MDGA2: variants seen among roughly 807,000 people sequenced by gnomAD.
MDGA2 encodes the protein MAM domain-containing glycosylphosphatidylinositol anchor protein 2.
Under a neutral mutation model 117.8 loss-of-function variants are expected in MDGA2, and 40 were observed. The observed-to-expected ratio is 0.34, with a 90% CI of 0.26 to 0.44. MDGA2 has a LOEUF of 0.44. Among genes scored for constraint, MDGA2 ranks in the 20% least tolerant of loss-of-function variants. MDGA2 has a pLI of 1.00. For synonymous variants in MDGA2, 452 were observed against 439.0 expected, an observed-to-expected ratio of 1.03 and a Z score of -0.37; for missense variants, 1,123 against 1,250.6, an observed-to-expected ratio of 0.90 and a Z score of 1.54.
intron 1 of MDGA2, among the ~76,000 whole-genome samples, chr14:47,327,762 T>C (rs934267518): frequency 6.6e-6 from 1 of 152,194 alleles, no homozygotes; most frequent in South Asian, 2.1e-4. Flanking sequence ...CTGGGCTCTT[T>C]GTTGTGTGTT....
At chr14:47,175,232 T>A (rs1884382067) in intron 3 of MDGA2, among the ~76,000 whole-genome samples, 1 of 151,696 alleles carries the variant, frequency 6.6e-6, no homozygotes, top group Non-Finnish European at 1.5e-5. Flanking sequence ...AAGGAGGAAC[T>A]GGTACCATTC....
chr14:47,358,853 C>T (rs989957172), intron 1 of MDGA2, among the ~76,000 whole-genome samples: 3 of 152,090 alleles, frequency 2.0e-5, no homozygotes, highest in East Asian at 1.9e-4. Context: ...CCCATGGATT[C>T]GGAAAACTAA....
Position 46,841,181 on chromosome 14 carries a change from TGG to T in MDGA2, c.*748_*749del, listed in dbSNP as rs1450814719. 6.6e-6 allele frequency: 1 copy of T among 152,542 alleles called. No individual in the cohort carries two copies. Among genetic ancestry groups the T allele is most frequent in the Non-Finnish European group, 1.5e-5 (1 of 68,024 alleles). The allele number at this position is 152,542 out of a possible 1,614,324, so 9.4% of individuals were successfully genotyped here. A position where few individuals can be genotyped will look rare whatever the true frequency, so the allele number is the denominator to read the frequency against. On this transcript the variant is annotated 3_prime_UTR_variant, in exon 17 of 17. Coordinates refer to ENST00000399232, the MANE Select transcript of MDGA2 (RefSeq NM_001113498.3). ...CTTCATTGGAACAGATGACGTAGTT[TGG>T]GTGTTCAAGTGGCCGCAAGCAAACT...
In MDGA2 at chr14:47,656,132, C is replaced by A. The variant is rs148256365; in HGVS notation, c.280+18385G>T. ...AAGAGACCATGGTGCCAAAAATGTC[C>A]ATTATAACTAGGTTTTGTCAGCCAA... is the stretch of plus-strand genomic sequence containing the variant. On this transcript the variant is annotated intron_variant, in intron 1 of 16. Coordinates refer to ENST00000399232, the MANE Select transcript of MDGA2 (RefSeq NM_001113498.3). Among the ~76,000 whole-genome samples the A allele has an allele frequency of 9.9e-5, 15 of 152,282 alleles. No individual in the cohort carries two copies. The East Asian group carries it at 2.9e-3, about 29-fold the overall frequency.
In MDGA2 at chr14:47,621,723, T is replaced by C. The variant is rs183005597; in HGVS notation, c.280+52794A>G. On this transcript the variant is annotated intron_variant, in intron 1 of 16. Transcript: ENST00000399232. ...TCAAGTCCTACTGTGGTCTGAATGT[T>C]GGTAACCCCTAAGAAGGACTAAGAC... Among the ~76,000 whole-genome samples the C allele has an allele frequency of 6.6e-5, 10 of 152,332 alleles. No individual in the cohort carries two copies. In the East Asian group the frequency reaches 1.9e-3, roughly 29 times the overall value.
intron 8 of MDGA2, among the ~76,000 whole-genome samples, chr14:46,975,802 C>T (rs2138354132): frequency 6.6e-6 from 1 of 152,084 alleles, no homozygotes; most frequent in South Asian, 2.1e-4. Flanking sequence ...ATCAGGAAAC[C>T]AGCAGATTCA....
intron 3 of MDGA2, among the ~76,000 whole-genome samples, chr14:47,213,421 G>A (rs1885958236): frequency 6.6e-6 from 1 of 152,016 alleles, no homozygotes; most frequent in African/African-American, 2.4e-5. Context: ...TATGTGCATT[G>A]AAGATTTATT....
intron 9 of MDGA2, among the ~76,000 whole-genome samples, chr14:46,928,690 C>A (rs1462321572): frequency 6.6e-6 from 1 of 152,158 alleles, no homozygotes; most frequent in Non-Finnish European, 1.5e-5. Context: ...ATACTTTCCT[C>A]CTGCAGTTCC....
chr14:47,050,944 CA>C (rs1193369277), intron 7 of MDGA2, among the ~76,000 whole-genome samples: 2 of 151,882 alleles, frequency 1.3e-5, no homozygotes, highest in African/African-American at 4.8e-5. Flanking sequence ...GCCCCATGAT[CA>C]ACAGAATAAG....
intron 1 of MDGA2, among the ~76,000 whole-genome samples, chr14:47,548,590 T>A (rs1406412093): frequency 6.6e-6 from 1 of 152,200 alleles, no homozygotes; most frequent in Admixed American, 6.5e-5. Context: ...TCTTAGCTTT[T>A]GAATAGGAGC....
intron 1 of MDGA2, among the ~76,000 whole-genome samples, chr14:47,342,675 T>C (rs1301407668): frequency 6.6e-6 from 1 of 152,152 alleles, no homozygotes; most frequent in Non-Finnish European, 1.5e-5. Flanking sequence ...TGTGAAGATG[T>C]TGACCCGGAA....
chr14:46,901,235 T>C (rs1019004381), intron 10 of MDGA2, among the ~76,000 whole-genome samples: 4 of 151,398 alleles, frequency 2.6e-5, no homozygotes, highest in African/African-American at 7.3e-5. Flanking sequence ...CTAATGCCAA[T>C]TGACGAGTTA....
At chr14:46,870,877 G>GTA (rs1881966641) in intron 14 of MDGA2, 1 of 151,806 alleles carries the variant, frequency 6.6e-6, no homozygotes, top group African/African-American at 2.4e-5. Context: ...TTAAAGTAAA[G>GTA]CCCTAAAATC....
intron 1 of MDGA2, among the ~76,000 whole-genome samples, chr14:47,592,626 GC>G (rs1244807705): frequency 6.6e-6 from 1 of 152,088 alleles, no homozygotes; most frequent in African/African-American, 2.4e-5. Context: ...ACAAAAACAA[GC>G]AATGGGGAAA....
At chr14:46,973,298 CA>C (rs1475081489) in intron 8 of MDGA2, among the ~76,000 whole-genome samples, 1 of 152,046 alleles carries the variant, frequency 6.6e-6, no homozygotes, top group East Asian at 1.9e-4. Context: ...CTTATGTTTA[CA>C]AAAAACAACC....
intron 2 of MDGA2, among the ~76,000 whole-genome samples, chr14:47,250,410 C>A (rs1887406180): frequency 6.6e-6 from 1 of 152,172 alleles, no homozygotes; most frequent in African/African-American, 2.4e-5. Flanking sequence ...TTAATACACT[C>A]TTTACTATGG....
chr14:47,334,280 A>G (rs1890377939), intron 1 of MDGA2, among the ~76,000 whole-genome samples: 1 of 151,898 alleles, frequency 6.6e-6, no homozygotes, highest in South Asian at 2.1e-4. Context: ...CACCACAATG[A>G]AACACAATTA....
At chr14:46,938,028 G>A (rs1169486895) in intron 9 of MDGA2, among the ~76,000 whole-genome samples, 12 of 152,108 alleles carry the variant, frequency 7.9e-5, no homozygotes, top group Non-Finnish European at 1.6e-4. Flanking sequence ...CAGAATGGCA[G>A]AAAATATTTG....
chr14:47,446,981 TG>T (rs1277826665), intron 1 of MDGA2, among the ~76,000 whole-genome samples: 1 of 152,208 alleles, frequency 6.6e-6, no homozygotes, highest in African/African-American at 2.4e-5. Context: ...TTATATTGAA[TG>T]TGCTGAACAC....
Sources: allele counts gnomAD v4.1 joint callset (sites outside exome capture counted in the v4.1 genomes callset), GRCh38; gene constraint gnomAD v4.1.1; transcripts MANE v1.5; gene names NCBI Gene and HGNC (gene_info 2026-07-23, HGNC 2026-07-21).